PPP1R9A: variants seen among roughly 807,000 people sequenced by gnomAD.
PPP1R9A encodes protein phosphatase 1 regulatory subunit 9A.
Under a neutral mutation model 141.9 loss-of-function variants are expected in PPP1R9A, and 59 were observed. The ratio of observed to expected loss-of-function variants is 0.42; its 90% confidence interval spans 0.34 to 0.52. PPP1R9A has a LOEUF of 0.52. PPP1R9A is among the 20% of genes least tolerant of loss of function. The probability of loss-of-function intolerance (pLI) is 0.10; values close to 1 mark genes in which losing one functional copy is unlikely to be tolerated. For synonymous variants in PPP1R9A, 500 were observed against 569.7 expected (o/e 0.88, Z 1.74); for missense variants, 1,444 against 1,611.9 (o/e 0.90, Z 1.78).
intron 4 of PPP1R9A, among the ~76,000 whole-genome samples, chr7:95,143,853 GT>G (rs149776837): frequency 1.2e-4 from 18 of 148,770 alleles, no homozygotes; most frequent in African/African-American, 3.7e-4. Flanking sequence ...TTTTTAATTT[GT>G]TTTTTTTTCA....
chr7:95,192,498 G>T (rs1321926527), intron 5 of PPP1R9A, among the ~76,000 whole-genome samples: 1 of 151,948 alleles, frequency 6.6e-6, no homozygotes, highest in Non-Finnish European at 1.5e-5. Context: ...ACAGTCTATA[G>T]GAGGTACTTT....
At chr7:95,103,503 G>T (rs1326961609) in intron 2 of PPP1R9A, among the ~76,000 whole-genome samples, 1 of 151,762 alleles carries the variant, frequency 6.6e-6, no homozygotes, top group Non-Finnish European at 1.5e-5. Context: ...GAGTAGCTGG[G>T]ACTACAGGCA....
chr7:95,150,149 C>T (rs1251630188), intron 4 of PPP1R9A, among the ~76,000 whole-genome samples: 4 of 144,458 alleles, frequency 2.8e-5, no homozygotes, highest in Admixed American at 7.0e-5. Context: ...TGGACATCCC[C>T]CTGCCAAAAA....
chr7:94,985,982 T>C (rs1447710238), intron 2 of PPP1R9A, among the ~76,000 whole-genome samples: 1 of 152,182 alleles, frequency 6.6e-6, no homozygotes, highest in East Asian at 1.9e-4. Flanking sequence ...TTTTCAGATA[T>C]TCAGTGTAAG....
At chr7:95,101,717 A>G (rs775355793) in intron 2 of PPP1R9A, among the ~76,000 whole-genome samples, 6 of 152,210 alleles carry the variant, frequency 3.9e-5, no homozygotes, top group African/African-American at 7.2e-5. Flanking sequence ...AGACTAGTTT[A>G]CCTTTCTTTG....
At chr7:94,956,426 T>TTTA (rs1251795409) in intron 2 of PPP1R9A, among the ~76,000 whole-genome samples, 1 of 152,192 alleles carries the variant, frequency 6.6e-6, no homozygotes, top group African/African-American at 2.4e-5. Flanking sequence ...TTCTATTTAA[T>TTTA]TTATCTAAAC....
chr7:95,255,485 A>G lies in PPP1R9A; in HGVS notation c.2665+3355A>G, dbSNP rs1799446498. On this transcript the variant is annotated intron_variant, in intron 12 of 19. Transcript: ENST00000433360. ...GTGAGAGATCAGGAGTAAGTGTGAT[A>G]TCATTTAAAAAATTATTTTGAACAC... 2.0e-5 allele frequency among the ~76,000 whole-genome samples: 3 copies of G among 152,150 alleles called. No homozygotes were observed. The South Asian group carries it at 6.2e-4, about 32-fold the overall frequency.
At chr7:95,247,193 G>A (rs1480565554) in intron 8 of PPP1R9A, among the ~76,000 whole-genome samples, 1 of 152,166 alleles carries the variant, frequency 6.6e-6, no homozygotes, top group Non-Finnish European at 1.5e-5. Context: ...TAAAGGAAGA[G>A]CTGCAAAGAG....
chr7:95,052,739 T>C (rs1810992159), intron 2 of PPP1R9A, among the ~76,000 whole-genome samples: 1 of 152,230 alleles, frequency 6.6e-6, no homozygotes, highest in African/African-American at 2.4e-5. Flanking sequence ...ATTTTTCTTC[T>C]GTGTTCCCAG....
chr7:95,132,281 T>A lies in PPP1R9A; in HGVS notation c.1649+11449T>A, dbSNP rs190412441. Among the ~76,000 whole-genome samples, 37 of 152,330 alleles carry A rather than the reference T, an allele frequency of 2.4e-4. 1 individual carries two copies. The highest frequency in any genetic ancestry group is 8.9e-4 in the African/African-American group (37 of 41,580). On this transcript the variant is annotated intron_variant, in intron 4 of 19. Transcript: ENST00000433360. ...TTGTTCCAGTTTTTAAGGGGAATGCTGCCAGATTTCTGCCCATTTGGCCTA... is the reference window on the plus strand; with the variant it reads ...TTGTTCCAGTTTTTAAGGGGAATGCAGCCAGATTTCTGCCCATTTGGCCTA...
At chr7:95,143,853 G>GTT (rs149776837) in intron 4 of PPP1R9A, among the ~76,000 whole-genome samples, 12 of 148,666 alleles carry the variant, frequency 8.1e-5, no homozygotes, top group African/African-American at 3.0e-4. Context: ...TTTTTAATTT[G>GTT]TTTTTTTTTC....
chr7:95,092,706 T>C (rs1817521978), intron 2 of PPP1R9A, among the ~76,000 whole-genome samples: 1 of 152,224 alleles, frequency 6.6e-6, no homozygotes, highest in Non-Finnish European at 1.5e-5. Context: ...AGATGGCAGA[T>C]TTAAACAAGA....
intron 6 of PPP1R9A, among the ~76,000 whole-genome samples, chr7:95,199,289 A>G (rs1313823510): frequency 6.6e-6 from 1 of 152,244 alleles, no homozygotes; most frequent in Non-Finnish European, 1.5e-5. Flanking sequence ...CAAAAGATCC[A>G]TCAACAATTT....
Position 95,237,329 on chromosome 7 carries a change from G to A in PPP1R9A, c.2113-10144G>A, listed in dbSNP as rs368465662. ...TCCTACTTCGGCCTCCCAAGTAGCT[G>A]GGATTACAAGTATGCGCCACCACAC... is the stretch of plus-strand genomic sequence containing the variant. On this transcript the variant is annotated intron_variant, in intron 8 of 19. Transcript: ENST00000433360. 5.9e-5 allele frequency among the ~76,000 whole-genome samples: 9 copies of A among 151,500 alleles called. 1 individual carries two copies. The East Asian group carries it at 1.4e-3, about 23-fold the overall frequency.
chr7:94,947,456 G>A (rs1422534713), intron 2 of PPP1R9A, among the ~76,000 whole-genome samples: 1 of 152,158 alleles, frequency 6.6e-6, no homozygotes, highest in African/African-American at 2.4e-5. Context: ...AGAGCCGTAT[G>A]TGGCATTTTC....
intron 5 of PPP1R9A, among the ~76,000 whole-genome samples, chr7:95,177,543 A>G (rs537597564): frequency 5.9e-5 from 9 of 152,256 alleles, no homozygotes; most frequent in South Asian, 4.1e-4. Flanking sequence ...CAATACTAAC[A>G]TTGAATGTAA....
intron 12 of PPP1R9A, among the ~76,000 whole-genome samples, chr7:95,264,629 G>A (rs557838583): frequency 1.3e-5 from 2 of 152,238 alleles, no homozygotes; most frequent in African/African-American, 4.8e-5. Context: ...CAGGTATAGA[G>A]GTGGAGTCTC....
At chr7:95,038,111 T>TA (rs11438512) in intron 2 of PPP1R9A, among the ~76,000 whole-genome samples, 15,722 of 142,692 alleles carry the variant, frequency 0.11, 1,332 homozygotes, top group East Asian at 0.37. Flanking sequence ...GACCATGTCT[T>TA]AAAAAAAAAA....
chr7:95,212,331 A>G (rs1250194605), intron 7 of PPP1R9A, among the ~76,000 whole-genome samples: 1 of 152,080 alleles, frequency 6.6e-6, no homozygotes, highest in Non-Finnish European at 1.5e-5. Flanking sequence ...TTTCTTAAAA[A>G]TAAAGAAAAA....
Sources: allele counts gnomAD v4.1 joint callset (sites outside exome capture counted in the v4.1 genomes callset), GRCh38; gene constraint gnomAD v4.1.1; transcripts MANE v1.5; gene names NCBI Gene and HGNC (gene_info 2026-07-23, HGNC 2026-07-21).